The following GLI3 variants were observed in gnomAD, a reference collection of about 807,000 sequenced individuals.
The protein encoded by GLI3 is GLI family zinc finger 3.
A neutral mutation model predicts 100.8 loss-of-function variants in GLI3; 20 were observed. The ratio of observed to expected loss-of-function variants is 0.20; its 90% CI spans 0.14 to 0.29. The LOEUF (loss-of-function observed/expected upper bound fraction) is 0.29. Among genes scored for constraint, GLI3 ranks in the 10% least tolerant of loss-of-function variants. The probability of loss-of-function intolerance (pLI) is 1.00; values close to 1 mark genes in which losing one functional copy is unlikely to be tolerated. For missense variants in GLI3, 2,040 were observed against 2,128.5 expected, an observed-to-expected ratio of 0.96 and a Z score of 0.82; for synonymous variants, 938 against 860.5, an observed-to-expected ratio of 1.09 and a Z score of -1.58.
At chr7:42,128,027 A>AAAAAAG (rs71006457) in intron 3 of GLI3, among the ~76,000 whole-genome samples, 36,200 of 145,760 alleles carry the variant, frequency 0.25, 4,895 homozygotes, top group Admixed American at 0.34. Context: ...TCAAAAAAAA[A>AAAAAAG]AAAAAGAAAA....
intron 1 of GLI3, among the ~76,000 whole-genome samples, chr7:42,246,805 C>CTTTTTTTTTTTTTTTTTTTTTTTTTTTT (rs71006467): frequency 2.1e-5 from 2 of 94,996 alleles, no homozygotes; most frequent in Admixed American, 1.2e-4. Flanking sequence ...ATGATAGAAT[C>CTTTTTTTTTTTTTTTTTTTTTTTTTTTT]TTTTTTTTTT....
intron 2 of GLI3, among the ~76,000 whole-genome samples, chr7:42,219,059 T>C (rs1220420250): frequency 6.6e-6 from 1 of 152,244 alleles, no homozygotes; most frequent in Non-Finnish European, 1.5e-5. Context: ...ATGTAGCTTA[T>C]GAAGTAATGC....
intron 2 of GLI3, among the ~76,000 whole-genome samples, chr7:42,215,052 A>AT (rs1788347820): frequency 6.6e-6 from 1 of 152,142 alleles, no homozygotes; most frequent in Non-Finnish European, 1.5e-5. Flanking sequence ...GTTTGTTTTT[A>AT]ATGTGAAATG....
chr7:42,125,277 G>A lies in GLI3; in HGVS notation c.367+22949C>T, dbSNP rs576164938. 2.0e-5 allele frequency among the ~76,000 whole-genome samples: 3 copies of A among 152,136 alleles called. No homozygotes were observed. In the East Asian group the frequency reaches 5.8e-4, roughly 29 times the overall value. ...CGCCAAGGTCCCTGTCTGGGCCCTT[G>A]GACAAAACCATCTCATGTAAACCTT... is the stretch of plus-strand genomic sequence containing the variant. On this transcript the variant is annotated intron_variant, in intron 3 of 14. Coordinates refer to ENST00000395925, the MANE Select transcript of GLI3 (RefSeq NM_000168.6).
chr7:42,182,933 A>G (rs1368236807), intron 2 of GLI3, among the ~76,000 whole-genome samples: 3 of 151,678 alleles, frequency 2.0e-5, no homozygotes. Context: ...AATACACAAA[A>G]AAATTAGCTG....
chr7:42,054,554 C>T (rs1193050404), intron 4 of GLI3, among the ~76,000 whole-genome samples: 1 of 152,034 alleles, frequency 6.6e-6, no homozygotes, highest in African/African-American at 2.4e-5. Context: ...TTAAATATAA[C>T]AAGTAGACAT....
rs1304000299 is a variant in GLI3, at chr7:41,965,556, A to G, written c.3517T>C (p.Ser1173Pro). Residue 1173 changes from serine (S) to proline (P), a missense_variant, in exon 15 of 15, where the codon TCC (serine) becomes CCC (proline). This residue lies in a region of GLI3 where 1,041 missense variants were observed against 924.0 expected (regional missense o/e 1.13). Transcript: ENST00000395925. ...GGCCCACACTTGAGCTTGGAGGAGG[A>G]CAGGTCGGCGCTTCCGGAGCTGACT... ...NEVSSGSADLSSSKLKCGPRP... is the reference protein window; with the variant it reads ...NEVSSGSADLPSSKLKCGPRP... The G allele has an allele frequency of 2.5e-6, 4 of 1,605,086 alleles. No homozygotes were observed. The highest frequency in any genetic ancestry group is 3.4e-6 in the Non-Finnish European group (4 of 1,172,956).
At chr7:41,981,016 G>A (rs997631145) in intron 10 of GLI3, among the ~76,000 whole-genome samples, 3 of 152,202 alleles carry the variant, frequency 2.0e-5, no homozygotes, top group Non-Finnish European at 2.9e-5. Flanking sequence ...ATCAGGGTCC[G>A]CTTCTCCAAT....
chr7:42,258,275 T>A (rs560891310), intron 1 of GLI3, among the ~76,000 whole-genome samples: 1 of 152,356 alleles, frequency 6.6e-6, no homozygotes, highest in African/African-American at 2.4e-5. Flanking sequence ...TATTGTCACC[T>A]GTATGACCAA....
chr7:42,045,754 T>C (rs1159048221), intron 5 of GLI3, among the ~76,000 whole-genome samples: 5 of 152,234 alleles, frequency 3.3e-5, no homozygotes. Context: ...AATGCATTAC[T>C]AAGTTTTTGT....
chr7:42,106,413 TG>T (rs1215149712), intron 3 of GLI3, among the ~76,000 whole-genome samples: 1 of 152,172 alleles, frequency 6.6e-6, no homozygotes, highest in Non-Finnish European at 1.5e-5. Flanking sequence ...TCCCTCCAGC[TG>T]CAATAGGAAC....
At chr7:42,209,325 A>G (rs1788217552) in intron 2 of GLI3, among the ~76,000 whole-genome samples, 1 of 152,194 alleles carries the variant, frequency 6.6e-6, no homozygotes, top group Non-Finnish European at 1.5e-5. Context: ...TGCTGGGATT[A>G]CAAGTATGGG....
chr7:42,055,070 CAT>C (rs1562706205), intron 4 of GLI3, among the ~76,000 whole-genome samples: 2 of 136,632 alleles, frequency 1.5e-5, no homozygotes, highest in African/African-American at 3.3e-5. Flanking sequence ...TATATGTATA[CAT>C]ATATATGTAT....
intron 3 of GLI3, among the ~76,000 whole-genome samples, chr7:42,101,267 A>G (rs1785454698): frequency 6.6e-6 from 1 of 152,160 alleles, no homozygotes; most frequent in Admixed American, 6.5e-5. Flanking sequence ...TTGCAGAATT[A>G]ACTTCTCTCC....
At chr7:42,157,244 C>T (rs1161019225) in intron 2 of GLI3, among the ~76,000 whole-genome samples, 1 of 152,208 alleles carries the variant, frequency 6.6e-6, no homozygotes, top group Non-Finnish European at 1.5e-5. Flanking sequence ...ATGAAATGTG[C>T]ATTTGAGAAA....
At chr7:42,060,945 A>G (rs1342551199) in intron 4 of GLI3, among the ~76,000 whole-genome samples, 2 of 152,202 alleles carry the variant, frequency 1.3e-5, no homozygotes, top group Non-Finnish European at 2.9e-5. Flanking sequence ...TCTAACATAC[A>G]TACAAGAGAC....
chr7:42,252,540 C>G lies in GLI3; in HGVS notation c.-43+11454G>C, dbSNP rs145151469. On this transcript the variant is annotated intron_variant, in intron 1 of 2. Transcript: ENST00000678978. ...ACATATAGTGCACAGAGGGACTCCT[C>G]AATACTATTCTCACTATTATACACA... Among the ~76,000 whole-genome samples the G allele has an allele frequency of 5.2e-3, 789 of 152,274 alleles. 4 individuals are homozygous for G. The highest frequency in any genetic ancestry group is 0.017 in the African/African-American group (715 of 41,544).
At position 41,966,050 on chromosome 7, in the gene GLI3, G is replaced by A; in HGVS notation, c.3023C>T (p.Pro1008Leu). 6.3e-7 allele frequency: 1 copy of A among 1,584,670 alleles called. No homozygotes were observed. Among genetic ancestry groups the A allele is most frequent in the Non-Finnish European group, 8.5e-7 (1 of 1,171,722 alleles). Residue 1008 changes from proline (P) to leucine (L), a missense_variant, in exon 15 of 15, where the codon CCG (proline) becomes CTG (leucine). Around this residue, in one of 5 missense-constraint regions of GLI3, gnomAD observed 1,041 missense variants for 924.0 expected, o/e 1.13. Coordinates refer to ENST00000395925, the MANE Select transcript of GLI3 (RefSeq NM_000168.6). This position sits in a 1 kb window ranked among gnomAD's most constrained non-coding sequence, Gnocchi z 5.8. ...PGHGVRRASD[P>L]VRTGSEGLAL... The stretch of plus-strand genomic sequence containing the variant: ...CAGGCCCTCGGAGCCTGTCCGCACC[G>A]GGTCGCTGGCCCTCCTCACGCCGTG...
intron 2 of GLI3, among the ~76,000 whole-genome samples, chr7:42,164,733 G>T (rs896388793): frequency 6.6e-6 from 1 of 151,718 alleles, no homozygotes; most frequent in African/African-American, 2.4e-5. Context: ...GGGAGGCTGA[G>T]GCAGGAGAAT....
Sources: allele counts gnomAD v4.1 joint callset (sites outside exome capture counted in the v4.1 genomes callset), GRCh38; gene constraint gnomAD v4.1.1; regional missense constraint gnomAD v4.1.1; non-coding constraint Gnocchi (gnomAD v3.1); transcripts MANE v1.5; gene names NCBI Gene and HGNC (gene_info 2026-07-23, HGNC 2026-07-21).